CCDC77: variants seen among roughly 807,000 people sequenced by gnomAD.
The protein encoded by CCDC77 is coiled-coil domain containing 77.
CCDC77 carries 56 observed loss-of-function variants against 66.8 expected under a neutral mutation model. The ratio of observed to expected loss-of-function variants is 0.84; its 90% CI spans 0.68 to 1.05. The LOEUF (loss-of-function observed/expected upper bound fraction) is 1.05, where lower values mean the gene tolerates loss of function less well. CCDC77 is among the 50% of genes least tolerant of loss of function. The pLI is 0.00. For missense variants in CCDC77, 570 were observed against 576.8 expected, an observed-to-expected ratio of 0.99 and a Z score of 0.12; for synonymous variants, 196 against 195.2, an observed-to-expected ratio of 1.00 and a Z score of -0.03.
chr12:427,114 A>G (rs563331717), intron 5 of CCDC77, among the ~76,000 whole-genome samples: 31 of 152,044 alleles, frequency 2.0e-4, no homozygotes, highest in Admixed American at 4.6e-4. Context: ...GCATTGTGGC[A>G]TGCGCCTGTA....
intron 5 of CCDC77, among the ~76,000 whole-genome samples, chr12:426,446 T>C (rs1233193134): frequency 2.0e-5 from 3 of 152,130 alleles, no homozygotes; most frequent in African/African-American, 7.2e-5. Context: ...TTTGTATGGG[T>C]CATACTGAGG....
chr12:440,877 A>T lies in CCDC77; in HGVS notation c.1201A>T (p.Ile401Leu), dbSNP rs770608811. The change falls in exon 12 of 13, where the codon ATA becomes TTA. Residue 401 changes from isoleucine to leucine, a missense_variant. By Grantham distance (5) the Ile-to-Leu change is conservative. Transcript: ENST00000239830. ...TAACAAGATGGGGAAGCGTTTACAG[A>T]TAATGACAAAACGCTATGAGGCATT... ...RTNKMGKRLQ[I>L]MTKRYEALER... 2 of 1,613,830 alleles carry T rather than the reference A, an allele frequency of 1.2e-6. No individual in the cohort carries two copies. The highest frequency in any genetic ancestry group is 8.5e-7 in the Non-Finnish European group (1 of 1,180,028).
intron 9 of CCDC77, among the ~76,000 whole-genome samples, chr12:436,132 T>C (rs1945744536): frequency 6.7e-6 from 1 of 148,582 alleles, no homozygotes; most frequent in South Asian, 2.2e-4. Context: ...TTTTTTTTTT[T>C]TTTGAGACAG....
intron 1 of CCDC77, chr12:389,548 A>ACGGGGCGAGG (rs368207242): frequency 2.0e-3 from 48 of 24,338 alleles, no homozygotes; most frequent in African/African-American, 8.3e-3. Flanking sequence ...AGGGAAGCCG[A>ACGGGGCGAGG]CGGGGCGAGG....
chr12:438,970 T>A (rs1292059551), intron 10 of CCDC77, among the ~76,000 whole-genome samples: 2 of 150,808 alleles, frequency 1.3e-5, no homozygotes, highest in East Asian at 3.9e-4. Context: ...CCCAGCTACT[T>A]GGGAGGCTGA....
rs1565569313 is a variant in CCDC77, at chr12:416,401, ATATATATATATATATT to A, written c.271-2091_271-2076del. On this transcript the variant is annotated intron_variant, in intron 4 of 12. Coordinates refer to ENST00000239830, the MANE Select transcript of CCDC77 (RefSeq NM_032358.4). The stretch of plus-strand genomic sequence containing the variant: ...TGTATATATATATATATATATATAT[ATATATATATATATATT>A]TCTTTTTTTTTTTTTTGGAGGCAGT... Among the ~76,000 whole-genome samples, 29 of 53,682 alleles carry A rather than the reference ATATATATATATATATT, an allele frequency of 5.4e-4. 3 individuals are homozygous for A. The highest frequency in any genetic ancestry group is 1.9e-3 in the African/African-American group (28 of 14,674). The allele number at this position is 53,682 out of a possible 152,430, so 35.2% of individuals were successfully genotyped here.
chr12:396,698 G>A (rs886343900), upstream of CCDC77, among the ~76,000 whole-genome samples: 1 of 152,186 alleles, frequency 6.6e-6, no homozygotes, highest in Non-Finnish European at 1.5e-5. Flanking sequence ...GAGTGAAGAT[G>A]CACTGAAAGG....
chr12:410,650 A>G (rs757492132), intron 3 of CCDC77, among the ~76,000 whole-genome samples: 2 of 146,092 alleles, frequency 1.4e-5, no homozygotes, highest in Non-Finnish European at 3.0e-5. Flanking sequence ...CGTTCAAGCA[A>G]TTATTCTGCC....
At position 440,585 on chromosome 12, in the gene CCDC77, G is replaced by A. The variant is rs1209211465; in HGVS notation, c.1042-32G>A. On this transcript the variant is annotated intron_variant, in intron 10 of 12. Coordinates refer to ENST00000239830, the MANE Select transcript of CCDC77 (RefSeq NM_032358.4). ...TGAATTACCTGAATTGTAGAACTGA[G>A]TGTTAATGTTTTTTGTCCCTTTGAC... The A allele has an allele frequency of 7.4e-6, 12 of 1,611,568 alleles. 1 individual carries two copies. Among genetic ancestry groups the A allele is most frequent in the Non-Finnish European group, 1.0e-5 (12 of 1,179,056 alleles).
At chr12:389,571 C>CGAGGCGGAACGAGGCGG in intron 1 of CCDC77, 1 of 223,110 alleles carries the variant, frequency 4.5e-6, no homozygotes. Context: ...GGGCGAGGCG[C>CGAGGCGGAACGAGGCGG]AACGAGGCGG....
intron 6 of CCDC77, among the ~76,000 whole-genome samples, 191 bp from the exon 7 acceptor site, chr12:430,473 T>C (rs1348188392): frequency 6.6e-6 from 1 of 152,212 alleles, no homozygotes; most frequent in Non-Finnish European, 1.5e-5. Context: ...TTTAAGTTTA[T>C]ATTGTCAACA....
chr12:425,990 G>T (rs1373119268), intron 5 of CCDC77, among the ~76,000 whole-genome samples: 1 of 152,104 alleles, frequency 6.6e-6, no homozygotes, highest in Non-Finnish European at 1.5e-5. Flanking sequence ...TCAGCCTCCC[G>T]AGTAGCTGGG....
At chr12:407,711 T>C (rs1336159617) in intron 2 of CCDC77, among the ~76,000 whole-genome samples, 1 of 151,674 alleles carries the variant, frequency 6.6e-6, no homozygotes, top group African/African-American at 2.4e-5. Flanking sequence ...AGGAAAATGG[T>C]ATATGGAAGT....
chr12:404,800 A>G (rs2137535747), intron 1 of CCDC77, among the ~76,000 whole-genome samples: 1 of 146,726 alleles, frequency 6.8e-6, no homozygotes, highest in African/African-American at 2.5e-5. Context: ...TTGGCTCACC[A>G]CAACCTCCGC....
intron 4 of CCDC77, among the ~76,000 whole-genome samples, chr12:415,432 A>G (rs202186462): frequency 1.6e-5 from 2 of 125,456 alleles, no homozygotes; most frequent in African/African-American, 3.2e-5. Context: ...AACATAATTA[A>G]CATAATAATA....
intron 3 of CCDC77, 137 bp from the exon 4 acceptor site, chr12:411,610 G>A: frequency 1.4e-6 from 1 of 689,768 alleles, no homozygotes; most frequent in Non-Finnish European, 2.4e-6. Context: ...GAGCCACTAT[G>A]CCTGTCCAAA....
At chr12:436,251 G>C (rs1426938133) in intron 9 of CCDC77, among the ~76,000 whole-genome samples, 4 of 150,918 alleles carry the variant, frequency 2.7e-5, no homozygotes, top group African/African-American at 9.7e-5. Flanking sequence ...CTGAGTAGCT[G>C]GGACTACAGG....
chr12:419,288 T>G (rs1232910788), intron 5 of CCDC77, among the ~76,000 whole-genome samples: 1 of 152,164 alleles, frequency 6.6e-6, no homozygotes, highest in African/African-American at 2.4e-5. Flanking sequence ...ATGCAGGTAG[T>G]CCCCAGGGAG....
chr12:409,331 C>T (rs772772088), intron 2 of CCDC77, 37 bp from the exon 3 acceptor site: 20 of 1,478,124 alleles, frequency 1.4e-5, no homozygotes, highest in South Asian at 4.5e-5. Flanking sequence ...TTTTTCTATT[C>T]GTGGCCCGTA....
Sources: gnomAD v4.1 joint callset for allele counts (sites outside exome capture counted in the v4.1 genomes callset) on GRCh38, gnomAD v4.1.1 for gene constraint, MANE v1.5 for transcripts, NCBI Gene and HGNC (gene_info 2026-07-23, HGNC 2026-07-21) for gene names.